GPR39: variants seen among roughly 807,000 people sequenced by gnomAD.
GPR39 encodes the protein zinc sensing receptor.
A neutral mutation model predicts 18.4 loss-of-function variants in GPR39; 23 were observed. That is an observed-to-expected ratio of 1.25 (90% confidence interval 0.90 to 1.77). GPR39 has a LOEUF of 1.77. Among genes scored for constraint, GPR39 ranks in the 40% most tolerant of loss-of-function variants. The pLI is 0.00. For synonymous variants in GPR39, 280 were observed against 257.9 expected (o/e 1.09, Z -0.82); for missense variants, 647 against 602.4 (o/e 1.07, Z -0.78).
intron 1 of GPR39, among the ~76,000 whole-genome samples, chr2:132,493,298 C>T (rs887708400): frequency 4.1e-5 from 6 of 145,172 alleles, no homozygotes; most frequent in Non-Finnish European, 6.0e-5. Context: ...CATATATATA[C>T]ACCATATATA....
At chr2:132,635,495 G>A (rs1681735433) in intron 1 of GPR39, among the ~76,000 whole-genome samples, 1 of 152,164 alleles carries the variant, frequency 6.6e-6, no homozygotes, top group Admixed American at 6.5e-5. Context: ...TCTGGACTAA[G>A]ATCTGGACTA....
intron 1 of GPR39, among the ~76,000 whole-genome samples, chr2:132,504,770 A>G (rs1679104272): frequency 6.7e-6 from 1 of 149,924 alleles, no homozygotes; most frequent in Non-Finnish European, 1.5e-5. Flanking sequence ...ATAAAATCCT[A>G]GTATAATTTA....
At chr2:132,630,226 A>G (rs915730467) in intron 1 of GPR39, among the ~76,000 whole-genome samples, 4 of 152,214 alleles carry the variant, frequency 2.6e-5, no homozygotes, top group African/African-American at 9.6e-5. Context: ...CACAGAATAC[A>G]GCCAAGAAGT....
At chr2:132,523,375 G>A (rs1679457529) in intron 1 of GPR39, among the ~76,000 whole-genome samples, 1 of 152,120 alleles carries the variant, frequency 6.6e-6, no homozygotes, top group Non-Finnish European at 1.5e-5. Context: ...GTTAACAGAT[G>A]AAAAACTCAC....
chr2:132,465,315 G>A (rs1209243516), intron 1 of GPR39, among the ~76,000 whole-genome samples: 1 of 152,222 alleles, frequency 6.6e-6, no homozygotes, highest in East Asian at 1.9e-4. Context: ...TCTAAACCAG[G>A]TGTCGTCCAT....
At chr2:132,505,751 A>G (rs1366462368) in intron 1 of GPR39, among the ~76,000 whole-genome samples, 1 of 152,244 alleles carries the variant, frequency 6.6e-6, no homozygotes, top group Non-Finnish European at 1.5e-5. Context: ...TTATGGCCAT[A>G]TAGTAATCCA....
chr2:132,595,339 G>T (rs1049809591), intron 1 of GPR39, among the ~76,000 whole-genome samples: 1 of 150,896 alleles, frequency 6.6e-6, no homozygotes, highest in East Asian at 2.1e-4. Context: ...CCAGGTGGGC[G>T]GTAATACTTG....
chr2:132,576,007 A>G (rs932988686), intron 1 of GPR39, among the ~76,000 whole-genome samples: 1 of 152,144 alleles, frequency 6.6e-6, no homozygotes, highest in Non-Finnish European at 1.5e-5. Context: ...CTAGACACCA[A>G]ATCTCTTGGC....
intron 1 of GPR39, among the ~76,000 whole-genome samples, chr2:132,502,550 C>T (rs1009693201): frequency 1.3e-5 from 2 of 152,066 alleles, no homozygotes; most frequent in South Asian, 2.1e-4. Context: ...TGTATGTAGG[C>T]GATGATCTCT....
intron 1 of GPR39, among the ~76,000 whole-genome samples, chr2:132,582,743 C>T (rs1303144973): frequency 6.6e-6 from 1 of 152,098 alleles, no homozygotes; most frequent in Non-Finnish European, 1.5e-5. Context: ...CAAGCCAGGT[C>T]CCCAAACCAG....
At chr2:132,438,040 A>G (rs1455107989) in intron 1 of GPR39, among the ~76,000 whole-genome samples, 1 of 152,240 alleles carries the variant, frequency 6.6e-6, no homozygotes, top group Non-Finnish European at 1.5e-5. Context: ...AAGTCTGGCA[A>G]CAGCCATAAA....
intron 1 of GPR39, among the ~76,000 whole-genome samples, chr2:132,541,897 C>T (rs946653936): frequency 2.6e-5 from 4 of 152,158 alleles, no homozygotes; most frequent in Non-Finnish European, 5.9e-5. Flanking sequence ...GTCCTGGAGG[C>T]TGGGAAGTCT....
intron 1 of GPR39, among the ~76,000 whole-genome samples, chr2:132,582,912 TTTC>T (rs1274281399): frequency 3.2e-5 from 4 of 125,026 alleles, no homozygotes; most frequent in East Asian, 2.7e-4. Context: ...GATTTCTTTC[TTTC>T]TTTTTTTTTT....
In GPR39 at chr2:132,417,482, CG is replaced by C; in HGVS notation, c.443del (p.Gly148AspfsTer5). On this transcript the variant is annotated frameshift_variant, in exon 1 of 2. Transcript: ENST00000329321. LOFTEE classifies it high-confidence loss of function. The part of the protein sequence containing the change: ...ICHPFRYKAV[S>X]GPCQVKLLIG... ...CACCCCTTCAGGTACAAGGCTGTGT[CG>C]GGACCTTGCCAGGTGAAGCTGCTGA... 3 of 1,614,148 alleles carry C rather than the reference CG, an allele frequency of 1.9e-6. No homozygotes were observed. In the East Asian group the frequency reaches 6.7e-5, roughly 36 times the overall value.
intron 1 of GPR39, among the ~76,000 whole-genome samples, chr2:132,517,185 C>G (rs1227936038): frequency 1.3e-5 from 2 of 151,398 alleles, no homozygotes; most frequent in African/African-American, 4.9e-5. Flanking sequence ...TAGGCTACTT[C>G]TGTGTCAAAA....
chr2:132,493,625 T>A (rs112095143), intron 1 of GPR39, among the ~76,000 whole-genome samples: 1 of 151,232 alleles, frequency 6.6e-6, no homozygotes, highest in African/African-American at 2.4e-5. Flanking sequence ...ATTTCTGATA[T>A]GTGCAGTTAG....
chr2:132,640,830 C>T (rs1001330917), intron 1 of GPR39, among the ~76,000 whole-genome samples: 14 of 152,288 alleles, frequency 9.2e-5, no homozygotes, highest in Admixed American at 7.2e-4. Flanking sequence ...TTATTCTCAA[C>T]GGTGTATCAT....
At chr2:132,466,071 T>C (rs1208351421) in intron 1 of GPR39, among the ~76,000 whole-genome samples, 6 of 152,238 alleles carry the variant, frequency 3.9e-5, no homozygotes, top group Admixed American at 3.9e-4. Flanking sequence ...AGGCTGTGTC[T>C]TGGCTGAGCC....
At chr2:132,431,230 C>T (rs926439113) in intron 1 of GPR39, among the ~76,000 whole-genome samples, 3 of 152,186 alleles carry the variant, frequency 2.0e-5, no homozygotes, top group African/African-American at 7.2e-5. Context: ...GGCTGTGCTT[C>T]AGCATCAGAT....
Sources: allele counts gnomAD v4.1 joint callset (sites outside exome capture counted in the v4.1 genomes callset), GRCh38; gene constraint gnomAD v4.1.1; transcripts MANE v1.5; gene names NCBI Gene and HGNC (gene_info 2026-07-23, HGNC 2026-07-21).